Variants in GRM5 observed in about 807,000 individuals in gnomAD.
GRM5 encodes metabotropic glutamate receptor 5.
In GRM5, 19 loss-of-function variants were observed where a neutral mutation model predicts 83.1. That is an observed-to-expected ratio of 0.23 (90% CI 0.16 to 0.34). The LOEUF is 0.34. Among genes scored for constraint, GRM5 ranks in the 10% least tolerant of loss-of-function variants. The probability of loss-of-function intolerance (pLI) is 1.00; values close to 1 mark genes in which losing one functional copy is unlikely to be tolerated. For synonymous variants in GRM5, 675 were observed against 633.6 expected, an observed-to-expected ratio of 1.07 and a Z score of -0.98; for missense variants, 1,160 against 1,588.3, an observed-to-expected ratio of 0.73 and a Z score of 4.58.
At chr11:88,938,961 G>A (rs994949399) in intron 2 of GRM5, among the ~76,000 whole-genome samples, 19 of 151,628 alleles carry the variant, frequency 1.3e-4, no homozygotes, top group Admixed American at 2.0e-4. Context: ...CTGTGAATTT[G>A]TACTGTTTTC....
intron 3 of GRM5, among the ~76,000 whole-genome samples, chr11:88,719,954 C>T (rs985101719): frequency 6.6e-6 from 1 of 152,040 alleles, no homozygotes; most frequent in Non-Finnish European, 1.5e-5. Flanking sequence ...CTTATAGATA[C>T]TGGGTATTAG....
intron 2 of GRM5, among the ~76,000 whole-genome samples, chr11:88,986,381 C>T (rs1421222403): frequency 1.3e-5 from 2 of 152,138 alleles, no homozygotes; most frequent in African/African-American, 4.8e-5. Context: ...AAAAGGATAA[C>T]ATGAGGTTTC....
chr11:88,615,131 C>A (rs1938436300), intron 4 of GRM5, among the ~76,000 whole-genome samples: 1 of 152,030 alleles, frequency 6.6e-6, no homozygotes, highest in Non-Finnish European at 1.5e-5. Context: ...TTCATTAAAT[C>A]TTTTGTTATT....
chr11:88,788,536 C>A (rs1332141777), intron 3 of GRM5, among the ~76,000 whole-genome samples: 1 of 151,994 alleles, frequency 6.6e-6, no homozygotes, highest in Non-Finnish European at 1.5e-5. Context: ...ATATTTTATT[C>A]CACAGGGTAT....
intron 2 of GRM5, among the ~76,000 whole-genome samples, chr11:88,988,965 T>C (rs1939855336): frequency 1.4e-5 from 2 of 147,878 alleles, no homozygotes; most frequent in African/African-American, 2.5e-5. Context: ...ATGAGCAAAA[T>C]AACCAGCTAA....
At chr11:88,998,222 G>A (rs746340802) in intron 2 of GRM5, among the ~76,000 whole-genome samples, 2 of 152,030 alleles carry the variant, frequency 1.3e-5, no homozygotes, top group Non-Finnish European at 2.9e-5. Flanking sequence ...ACATAAAAAC[G>A]AATTCAGCAG....
chr11:88,563,208 C>A (rs549908063), intron 8 of GRM5, among the ~76,000 whole-genome samples: 2 of 152,266 alleles, frequency 1.3e-5, no homozygotes, highest in East Asian at 3.9e-4. Context: ...GAATTATTAT[C>A]TACCATTTTA....
chr11:88,952,272 C>T (rs640804), intron 2 of GRM5, among the ~76,000 whole-genome samples: 132,959 of 152,192 alleles, frequency 0.87, 60,766 homozygotes, highest in Non-Finnish European at 1. Flanking sequence ...GGTTTCCTCA[C>T]TGAAACGTTT....
At chr11:88,901,006 T>C (rs1458475739) in intron 2 of GRM5, among the ~76,000 whole-genome samples, 4 of 152,164 alleles carry the variant, frequency 2.6e-5, no homozygotes, top group African/African-American at 9.7e-5. Context: ...AGCAGGTCCA[T>C]GATTTTGTGG....
At chr11:89,063,042 C>G (rs1452797031) in intron 1 of GRM5, among the ~76,000 whole-genome samples, 4 of 152,370 alleles carry the variant, frequency 2.6e-5, no homozygotes, top group Admixed American at 6.5e-5. Flanking sequence ...CGCTGTCCCC[C>G]CTCTTCCTGC....
At chr11:88,804,720 C>G (rs1349970722) in intron 3 of GRM5, among the ~76,000 whole-genome samples, 1 of 151,732 alleles carries the variant, frequency 6.6e-6, no homozygotes, top group Non-Finnish European at 1.5e-5. Context: ...CAAAAACAAA[C>G]AAACAAAACA....
intron 2 of GRM5, among the ~76,000 whole-genome samples, chr11:88,927,042 G>A (rs1945802103): frequency 6.6e-6 from 1 of 152,028 alleles, no homozygotes; most frequent in South Asian, 2.1e-4. Flanking sequence ...TTCTTTTCAG[G>A]AGACTAAAAC....
At chr11:88,927,062 T>C (rs902731134) in intron 2 of GRM5, among the ~76,000 whole-genome samples, 4 of 152,194 alleles carry the variant, frequency 2.6e-5, no homozygotes, top group African/African-American at 9.6e-5. Context: ...CTTCAATGCA[T>C]GCAATGCTAA....
intron 3 of GRM5, among the ~76,000 whole-genome samples, chr11:88,806,727 C>T (rs1943505215): frequency 6.6e-6 from 1 of 152,158 alleles, no homozygotes; most frequent in Non-Finnish European, 1.5e-5. Flanking sequence ...ACACCCTCAT[C>T]CTGGGAATCA....
intron 2 of GRM5, among the ~76,000 whole-genome samples, chr11:88,955,949 T>C (rs1938597934): frequency 6.6e-6 from 1 of 152,256 alleles, no homozygotes; most frequent in Non-Finnish European, 1.5e-5. Context: ...AAAGTTCCTA[T>C]AAGATAGGTT....
intron 2 of GRM5, among the ~76,000 whole-genome samples, chr11:88,949,747 G>A (rs1938395444): frequency 6.6e-6 from 1 of 152,124 alleles, no homozygotes; most frequent in African/African-American, 2.4e-5. Context: ...GATACTCATT[G>A]CAATATTTTT....
intron 3 of GRM5, among the ~76,000 whole-genome samples, chr11:88,722,230 A>G (rs1009314463): frequency 6.6e-6 from 1 of 152,240 alleles, no homozygotes; most frequent in East Asian, 1.9e-4. Context: ...GAATAGCAGA[A>G]TTATACTGTT....
intron 3 of GRM5, among the ~76,000 whole-genome samples, chr11:88,825,555 A>G (rs11021470): frequency 0.017 from 2,555 of 152,326 alleles, 44 homozygotes; most frequent in East Asian, 0.067. Flanking sequence ...GATATTTGAC[A>G]TACAGTGTGG....
intron 3 of GRM5, among the ~76,000 whole-genome samples, chr11:88,804,921 C>T (rs1943473299): frequency 6.6e-6 from 1 of 152,044 alleles, no homozygotes; most frequent in South Asian, 2.1e-4. Flanking sequence ...CTTCACTACA[C>T]AATATATCCA....
Sources: allele counts gnomAD v4.1 joint callset (sites outside exome capture counted in the v4.1 genomes callset), GRCh38; gene constraint gnomAD v4.1.1; transcripts MANE v1.5; gene names NCBI Gene and HGNC (gene_info 2026-07-23, HGNC 2026-07-21).